LYPD8: variants seen among roughly 807,000 people sequenced by gnomAD.
LYPD8 encodes ly6/PLAUR domain-containing protein 8.
A neutral mutation model predicts 1.7 loss-of-function variants in LYPD8; 8 were observed. That is an observed-to-expected ratio of 4.58 (90% CI 2.69 to 8.27). The LOEUF (loss-of-function observed/expected upper bound fraction) is 8.27, where lower values mean the gene tolerates loss of function less well. Ranked by LOEUF, LYPD8 falls within the 30% of genes most tolerant of loss-of-function variation. The pLI is 0.00. For synonymous variants in LYPD8, 50 were observed against 43.6 expected, an observed-to-expected ratio of 1.15 and a Z score of -0.58; for missense variants, 112 against 102.3, an observed-to-expected ratio of 1.09 and a Z score of -0.41.
chr1:248,753,310 CCACACAA>C (rs1287754266), intron 2 of LYPD8, among the ~76,000 whole-genome samples: 1 of 104,874 alleles, frequency 9.5e-6, no homozygotes, highest in African/African-American at 4.0e-5. Flanking sequence ...ACCACACACC[CCACACAA>C]CACACAACAC....
chr1:248,753,047 TCA>T (rs1314955038), intron 2 of LYPD8, among the ~76,000 whole-genome samples: 260 of 20,806 alleles, frequency 0.012, 5 homozygotes, highest in African/African-American at 0.055. Context: ...CACACACACA[TCA>T]CACACACACC....
intron 6 of LYPD8, among the ~76,000 whole-genome samples, chr1:248,742,175 C>G (rs1662612421): frequency 1.3e-5 from 2 of 149,582 alleles, no homozygotes; most frequent in African/African-American, 5.0e-5. Flanking sequence ...GGGATGTTGG[C>G]AGCGGGGAGA....
At position 248,744,675 on chromosome 1, in the gene LYPD8, A is replaced by G. The variant is rs183691940; in HGVS notation, c.475+467T>C. On this transcript the variant is annotated intron_variant, in intron 6 of 6. Transcript: ENST00000590317. ...ATAGTTAGTATCAAACTGCTTTTGTAGAAAAGCACAATTGGTTGGATTTAA... is the reference window on the plus strand; with the variant it reads ...ATAGTTAGTATCAAACTGCTTTTGTGGAAAAGCACAATTGGTTGGATTTAA... Among the ~76,000 whole-genome samples the G allele has an allele frequency of 8.5e-5, 13 of 152,372 alleles. No individual in the cohort carries two copies. The East Asian group carries it at 1.7e-3, about 20-fold the overall frequency.
At chr1:248,751,628 T>A (rs1026814719) in intron 2 of LYPD8, among the ~76,000 whole-genome samples, 7 of 152,164 alleles carry the variant, frequency 4.6e-5, no homozygotes, top group African/African-American at 1.7e-4. Flanking sequence ...AGGTATTAAT[T>A]TATGTAATTC....
chr1:248,746,078 C>T (rs1056622795), intron 5 of LYPD8, among the ~76,000 whole-genome samples: 22 of 152,022 alleles, frequency 1.4e-4, no homozygotes, highest in Non-Finnish European at 2.5e-4. Context: ...CCACCCTTCC[C>T]GTTGTATATG....
intron 2 of LYPD8, among the ~76,000 whole-genome samples, chr1:248,752,795 CCACACCCCACA>C (rs1662831307): frequency 6.4e-5 from 6 of 93,112 alleles, no homozygotes; most frequent in African/African-American, 1.0e-4. Flanking sequence ...CACACACACA[CCACACCCCACA>C]ACACACACAC....
intron 2 of LYPD8, among the ~76,000 whole-genome samples, chr1:248,753,031 A>C (rs2103173349): frequency 9.6e-6 from 1 of 103,778 alleles, no homozygotes; most frequent in African/African-American, 4.2e-5. Flanking sequence ...CACACACCCC[A>C]CACACCACAC....
intron 4 of LYPD8, 95 bp downstream of exon 4, chr1:248,750,429 C>A: frequency 2.5e-6 from 1 of 397,312 alleles, no homozygotes; most frequent in Non-Finnish European, 4.4e-6. Context: ...ACAGCACGAC[C>A]CCTTCTCTGC....
chr1:248,752,776 AACACACACCAC>A lies in LYPD8; in HGVS notation c.-49-1657_-49-1647del, dbSNP rs1393391068. On this transcript the variant is annotated intron_variant, in intron 2 of 6. Coordinates refer to ENST00000590317, the MANE Select transcript of LYPD8 (RefSeq NM_001085474.2). ...CCCACACACACCACACACCCCACACAACACACACCACACACACACCACACCCCACAACACAC... is the reference window on the plus strand; with the variant it reads ...CCCACACACACCACACACCCCACACAACACACACCACACCCCACAACACAC... Among the ~76,000 whole-genome samples the A allele has an allele frequency of 4.2e-5, 3 of 70,856 alleles. 1 individual carries two copies. Among genetic ancestry groups the A allele is most frequent in the East Asian group, 1.0e-3 (2 of 1,968 alleles). The allele number at this position is 70,856 out of a possible 152,430, so 46.5% of individuals were successfully genotyped here. A position where few individuals can be genotyped will look rare whatever the true frequency, so the allele number is the denominator to read the frequency against.
chr1:248,750,672 C>A, intron 3 of LYPD8, 29 bp from the exon 4 acceptor site: 1 of 398,520 alleles, frequency 2.5e-6, no homozygotes, highest in South Asian at 1.3e-4. Context: ...CAACACCAGT[C>A]AACATTCAGT....
At chr1:248,753,766 A>G (rs1028485334) in intron 2 of LYPD8, among the ~76,000 whole-genome samples, 1 of 149,072 alleles carries the variant, frequency 6.7e-6, no homozygotes, top group Non-Finnish European at 1.5e-5. Flanking sequence ...TACACACCAC[A>G]TCACACACAC....
In LYPD8 at chr1:248,748,347, A is replaced by G; in HGVS notation, c.279T>C (p.Phe93=). The change falls in exon 5 of 7, where the codon TTT becomes TTC. Residue 93 remains phenylalanine (F), a synonymous_variant. Transcript: ENST00000590317. The part of the protein sequence containing the change: ...FTVHVSAEEH[F]HFVSQCCQGK... ...CTTGGCAGCACTGGCTTACAAAATG[A>G]AAGTGTTCTTCAGCAGACACGTGGA... The G allele has an allele frequency of 2.2e-6, 1 of 464,798 alleles. No homozygotes were observed. The allele number at this position is 464,798 out of a possible 1,614,324, so 28.8% of individuals were successfully genotyped here.
chr1:248,750,728 A>C (rs1237831843), intron 3 of LYPD8, 85 bp from the exon 4 acceptor site: 1 of 398,270 alleles, frequency 2.5e-6, no homozygotes, highest in East Asian at 3.6e-5. Context: ...CACTGCTCCC[A>C]CCTTGCAGTA....
intron 2 of LYPD8, among the ~76,000 whole-genome samples, chr1:248,752,725 ACACACACAT>A (rs1167902460): frequency 9.4e-3 from 874 of 93,238 alleles, no homozygotes; most frequent in African/African-American, 0.036. Context: ...CCCACTGAAC[ACACACACAT>A]CACACACACC....
intron 2 of LYPD8, among the ~76,000 whole-genome samples, chr1:248,752,818 T>C (rs1334407445): frequency 2.3e-3 from 58 of 25,394 alleles, no homozygotes; most frequent in African/African-American, 5.4e-3. Context: ...CACACACACA[T>C]CACATCACAC....
intron 4 of LYPD8, among the ~76,000 whole-genome samples, chr1:248,748,837 A>C (rs910807101): frequency 6.6e-6 from 1 of 152,214 alleles, no homozygotes; most frequent in Admixed American, 6.5e-5. Flanking sequence ...ATTGAACCTG[A>C]ATCCAGTCAA....
At chr1:248,740,121 G>A (rs953328591) in intron 6 of LYPD8, among the ~76,000 whole-genome samples, 4 of 152,222 alleles carry the variant, frequency 2.6e-5, no homozygotes, top group Admixed American at 1.3e-4. Flanking sequence ...GGCAAGCCCA[G>A]GCTAAACAGT....
At chr1:248,753,516 TCA>T (rs1446673632) in intron 2 of LYPD8, among the ~76,000 whole-genome samples, 1 of 47,434 alleles carries the variant, frequency 2.1e-5, no homozygotes, top group Non-Finnish European at 3.8e-5. Context: ...AACACACACA[TCA>T]CACACCCCAC....
chr1:248,754,833 G>A (rs963049278), intron 2 of LYPD8, among the ~76,000 whole-genome samples: 150 of 151,946 alleles, frequency 9.9e-4, no homozygotes, highest in Non-Finnish European at 1.7e-3. Flanking sequence ...CTCCAGGCCC[G>A]GTGCACCCCT....
Sources: allele counts gnomAD v4.1 joint callset (sites outside exome capture counted in the v4.1 genomes callset), GRCh38; gene constraint gnomAD v4.1.1; transcripts MANE v1.5; gene names NCBI Gene and HGNC (gene_info 2026-07-23, HGNC 2026-07-21).